PTPRD: variants seen among roughly 807,000 people sequenced by gnomAD.
PTPRD encodes the protein receptor-type tyrosine-protein phosphatase delta.
PTPRD carries 34 observed loss-of-function variants against 214.5 expected under a neutral mutation model. The ratio of observed to expected loss-of-function variants is 0.16; its 90% CI spans 0.12 to 0.21. PTPRD has a LOEUF of 0.21. Among genes scored for constraint, PTPRD ranks in the 10% least tolerant of loss-of-function variants. The probability of loss-of-function intolerance (pLI) is 1.00; values close to 1 mark genes in which losing one functional copy is unlikely to be tolerated. For missense variants in PTPRD, 2,545 were observed against 2,398.7 expected (o/e 1.06, Z -1.27); for synonymous variants, 1,128 against 845.7 (o/e 1.33, Z -5.79).
At chr9:8,555,466 G>C (rs1022803528) in intron 14 of PTPRD, among the ~76,000 whole-genome samples, 4 of 152,198 alleles carry the variant, frequency 2.6e-5, no homozygotes, top group Non-Finnish European at 5.9e-5. Flanking sequence ...TGTTAGCTTT[G>C]GGAAGCTGAG....
intron 2 of PTPRD, among the ~76,000 whole-genome samples, chr9:10,405,593 T>C (rs1415354097): frequency 6.6e-6 from 1 of 151,618 alleles, no homozygotes. Flanking sequence ...TTCAGAATCT[T>C]CTCAATCACT....
chr9:9,904,448 T>C (rs558738092), intron 5 of PTPRD, among the ~76,000 whole-genome samples: 4 of 152,250 alleles, frequency 2.6e-5, no homozygotes, highest in African/African-American at 7.2e-5. Context: ...TATTTTAAAG[T>C]GTATTCACTT....
At chr9:9,502,172 A>G (rs2154226560) in intron 8 of PTPRD, among the ~76,000 whole-genome samples, 1 of 151,994 alleles carries the variant, frequency 6.6e-6, no homozygotes, top group East Asian at 1.9e-4. Flanking sequence ...TATACAATAC[A>G]TTATTATTAA....
chr9:9,292,546 T>C (rs1003592871), intron 9 of PTPRD, among the ~76,000 whole-genome samples: 1 of 151,532 alleles, frequency 6.6e-6, no homozygotes, highest in Non-Finnish European at 1.5e-5. Context: ...TTTTCCCTAT[T>C]AACTAACATC....
chr9:10,135,822 A>T (rs1409837847), intron 3 of PTPRD, among the ~76,000 whole-genome samples: 1 of 151,994 alleles, frequency 6.6e-6, no homozygotes, highest in Non-Finnish European at 1.5e-5. Context: ...CTACACAATT[A>T]AGTCTACAAA....
At chr9:9,530,613 A>C (rs974824872) in intron 8 of PTPRD, among the ~76,000 whole-genome samples, 1 of 152,212 alleles carries the variant, frequency 6.6e-6, no homozygotes, top group African/African-American at 2.4e-5. Context: ...GCAAAGATAC[A>C]GAATTGACTA....
At chr9:9,527,609 G>A (rs1285307444) in intron 8 of PTPRD, among the ~76,000 whole-genome samples, 6 of 152,118 alleles carry the variant, frequency 3.9e-5, no homozygotes, top group African/African-American at 1.2e-4. Context: ...TGTCCAGCAT[G>A]ATTCTCTACT....
At chr9:9,551,066 A>C (rs1035852871) in intron 8 of PTPRD, among the ~76,000 whole-genome samples, 1 of 151,984 alleles carries the variant, frequency 6.6e-6, no homozygotes, top group Non-Finnish European at 1.5e-5. Context: ...TAAATACTAC[A>C]TGACCCCATA....
intron 2 of PTPRD, among the ~76,000 whole-genome samples, chr9:10,594,666 A>G (rs112322704): frequency 0.02 from 3,027 of 152,060 alleles, 99 homozygotes; most frequent in African/African-American, 0.069. Flanking sequence ...AGTCATTCAC[A>G]CCATCCATCG....
intron 5 of PTPRD, among the ~76,000 whole-genome samples, chr9:9,781,786 T>C (rs2098844865): frequency 1.4e-5 from 2 of 145,872 alleles, no homozygotes; most frequent in African/African-American, 5.2e-5. Context: ...ACATTTTTTG[T>C]CTGGACTCAT....
At chr9:10,126,091 T>A (rs985703177) in intron 3 of PTPRD, among the ~76,000 whole-genome samples, 2 of 152,164 alleles carry the variant, frequency 1.3e-5, no homozygotes, top group African/African-American at 4.8e-5. Flanking sequence ...TTCTTTAGCA[T>A]TTGGCATGTA....
At chr9:8,843,949 C>G (rs908476631) in intron 11 of PTPRD, among the ~76,000 whole-genome samples, 1 of 152,162 alleles carries the variant, frequency 6.6e-6, no homozygotes, top group African/African-American at 2.4e-5. Flanking sequence ...CAGGTCCTTT[C>G]CAGCACCTTT....
intron 3 of PTPRD, among the ~76,000 whole-genome samples, chr9:10,100,451 T>A (rs1019842482): frequency 4.0e-5 from 6 of 151,590 alleles, no homozygotes; most frequent in Non-Finnish European, 7.4e-5. Flanking sequence ...GAGAAGGCAA[T>A]TGCAAGAATC....
At chr9:10,136,565 ATTT>A (rs1334499595) in intron 3 of PTPRD, among the ~76,000 whole-genome samples, 4 of 86,646 alleles carry the variant, frequency 4.6e-5, no homozygotes, top group East Asian at 7.7e-4. Flanking sequence ...AAAATTAAAG[ATTT>A]AAACGTTAAA....
intron 4 of PTPRD, among the ~76,000 whole-genome samples, chr9:9,967,382 A>C (rs1045881366): frequency 6.6e-6 from 1 of 152,194 alleles, no homozygotes; most frequent in Non-Finnish European, 1.5e-5. Context: ...AGGAAAATAG[A>C]GAAGGGTCGT....
At chr9:9,309,715 T>A (rs1416039398) in intron 9 of PTPRD, among the ~76,000 whole-genome samples, 2 of 152,212 alleles carry the variant, frequency 1.3e-5, no homozygotes, top group Non-Finnish European at 2.9e-5. Context: ...AAAAGAATGG[T>A]ACAACGTTAT....
chr9:10,387,228 C>A (rs1158995760), intron 2 of PTPRD, among the ~76,000 whole-genome samples: 1 of 151,670 alleles, frequency 6.6e-6, no homozygotes, highest in East Asian at 2.0e-4. Context: ...TTTATAGCAG[C>A]AATAGGAAAC....
At chr9:10,029,539 T>C (rs565027534) in intron 4 of PTPRD, among the ~76,000 whole-genome samples, 1 of 152,328 alleles carries the variant, frequency 6.6e-6, no homozygotes, top group Non-Finnish European at 1.5e-5. Flanking sequence ...GGAGATCATT[T>C]TGGAGCTTTA....
chr9:8,679,162 G>T (rs1332549934), intron 12 of PTPRD, among the ~76,000 whole-genome samples: 2 of 152,152 alleles, frequency 1.3e-5, no homozygotes, highest in Admixed American at 6.6e-5. Flanking sequence ...GCAGAAACTA[G>T]TCGCTTCCTA....
Sources: allele counts gnomAD v4.1 joint callset (sites outside exome capture counted in the v4.1 genomes callset), GRCh38; gene constraint gnomAD v4.1.1; transcripts MANE v1.5; gene names NCBI Gene and HGNC (gene_info 2026-07-23, HGNC 2026-07-21).